C4orf50: variants seen among roughly 807,000 people sequenced by gnomAD.
C4orf50 encodes the protein uncharacterized protein C4orf50.
Under a neutral mutation model 77.2 loss-of-function variants are expected in C4orf50, and 80 were observed. The ratio of observed to expected loss-of-function variants is 1.04; its 90% CI spans 0.87 to 1.25. C4orf50 has a LOEUF of 1.25. C4orf50 is among the 50% of genes most tolerant of loss of function. The pLI is 0.00. For missense variants in C4orf50, 1,257 were observed against 1,152.9 expected, an observed-to-expected ratio of 1.09 and a Z score of -1.31; for synonymous variants, 532 against 465.3, an observed-to-expected ratio of 1.14 and a Z score of -1.84.
chr4:5,994,786 A>G (rs1325464126), intron 25 of C4orf50, among the ~76,000 whole-genome samples: 1 of 120,420 alleles, frequency 8.3e-6, no homozygotes, highest in Non-Finnish European at 1.7e-5. Flanking sequence ...AAGCAGGGTC[A>G]TGGACCAGAC....
chr4:5,952,825 A>G (rs1718787517), downstream of C4orf50, among the ~76,000 whole-genome samples: 2 of 152,010 alleles, frequency 1.3e-5, no homozygotes. The surrounding 1 kb of genome is among the most constrained non-coding windows in gnomAD (Gnocchi z 4.4). Context: ...CCCGACACCG[A>G]CACTCCCGCC....
intron 29 of C4orf50, 109 bp downstream of exon 7, chr4:5,980,065 C>T (rs1720489766): frequency 1.2e-6 from 1 of 839,184 alleles, no homozygotes; most frequent in Non-Finnish European, 1.8e-6. Context: ...AGTACCTGCT[C>T]CCAACTGGCT....
chr4:5,978,387 G>A (rs1229171644), intron 29 of C4orf50, among the ~76,000 whole-genome samples: 3 of 152,218 alleles, frequency 2.0e-5, no homozygotes, highest in Admixed American at 6.5e-5. Context: ...AAGAACTAAA[G>A]TGAGTTTAGG....
At chr4:6,013,346 G>A (rs1722557916) in intron 23 of C4orf50, among the ~76,000 whole-genome samples, 1 of 152,116 alleles carries the variant, frequency 6.6e-6, no homozygotes, top group Non-Finnish European at 1.5e-5. Context: ...TATACAATAT[G>A]GGGAGATTTG....
intron 7 of C4orf50, among the ~76,000 whole-genome samples, chr4:5,917,402 A>C (rs1385346298): frequency 8.9e-6 from 1 of 111,774 alleles, no homozygotes; most frequent in African/African-American, 3.2e-5. Flanking sequence ...CAATTCCTGT[A>C]TTTCTTTTTT....
rs1176779407 is a variant in C4orf50 at position 5,958,470 on chromosome 4, A to G, written c.*905T>C. The G allele has an allele frequency of 6.6e-6, 1 of 152,176 alleles. No individual in the cohort carries two copies. The highest frequency in any genetic ancestry group is 2.4e-5 in the African/African-American group (1 of 41,366). 9.4% of individuals were successfully genotyped at this position (152,176 alleles called of 1,614,324 possible). On this transcript the variant is annotated 3_prime_UTR_variant, in exon 34 of 34. Transcript: ENST00000531445. The surrounding 1 kb of genome is among the most constrained non-coding windows in gnomAD (Gnocchi z 5.4). ...ACCCTTCCCACCTCACCCACCGGAC[A>G]CTGCCCAGCCATTCCTTTGTGGCTG...
rs1323812810 is a variant in C4orf50 at position 6,015,065 on chromosome 4, A to G, written c.287+3080T>C. 6.6e-6 allele frequency among the ~76,000 whole-genome samples: 1 copy of G among 151,996 alleles called. No homozygotes were observed. Among genetic ancestry groups the G allele is most frequent in the Non-Finnish European group, 1.5e-5 (1 of 68,010 alleles). ...CCTTTCTAGAAGATTTGAATGTACA[A>G]CCCTGTATGGGCCTACGCTGCTAGT... On this transcript the variant is annotated intron_variant, in intron 23 of 33. Coordinates refer to ENST00000531445, the Ensembl canonical transcript of C4orf50. This position sits in a 1 kb window ranked among gnomAD's most constrained non-coding sequence, Gnocchi z 4.4.
At chr4:5,984,620 A>G (rs183739695) in intron 28 of C4orf50, among the ~76,000 whole-genome samples, 1 of 152,350 alleles carries the variant, frequency 6.6e-6, no homozygotes, top group East Asian at 1.9e-4. Flanking sequence ...GGGACATGGT[A>G]GAATACAGGA....
intron 28 of C4orf50, among the ~76,000 whole-genome samples, chr4:5,981,054 CTTAT>C (rs1720556430): frequency 6.6e-6 from 1 of 152,100 alleles, no homozygotes; most frequent in Admixed American, 6.5e-5. Flanking sequence ...AGTCTAAATT[CTTAT>C]TTTTTTAAAT....
chr4:5,959,678 G>C lies in C4orf50; in HGVS notation c.4276-52C>G, dbSNP rs755192213. 5.1e-6 allele frequency: 8 copies of C among 1,560,164 alleles called. No homozygotes were observed. In the Admixed American group the frequency reaches 1.3e-4, roughly 26 times the overall value. ...TCTCTGCGTCCACATGTTTGTAAAA[G>C]CCCCTCCATTCACACATTTAATCAA... On this transcript the variant is annotated intron_variant, in intron 33 of 33. Coordinates refer to ENST00000531445, the Ensembl canonical transcript of C4orf50.
intron 7 of C4orf50, among the ~76,000 whole-genome samples, chr4:5,942,460 A>G (rs930148966): frequency 2.0e-5 from 3 of 152,240 alleles, no homozygotes; most frequent in Non-Finnish European, 4.4e-5. Context: ...TAGAAATTCA[A>G]TGTGACAGCA....
At chr4:5,939,113 C>T (rs1718158115) in intron 7 of C4orf50, among the ~76,000 whole-genome samples, 1 of 152,060 alleles carries the variant, frequency 6.6e-6, no homozygotes, top group Non-Finnish European at 1.5e-5. Context: ...TGTTGGCGGG[C>T]ACCTATGTAA....
At chr4:5,937,062 G>A (rs1004433542) in intron 7 of C4orf50, among the ~76,000 whole-genome samples, 13 of 152,042 alleles carry the variant, frequency 8.6e-5, no homozygotes, top group African/African-American at 3.1e-4. Context: ...GGCAAAGACT[G>A]AGAGGTTTTT....
At position 5,990,505 on chromosome 4, in the gene C4orf50, CAA is replaced by C; in HGVS notation, c.1539_1540del (p.Asp513GlufsTer47). The C allele has an allele frequency of 7.5e-6, 3 of 399,244 alleles. No individual in the cohort carries two copies. The highest frequency in any genetic ancestry group is 1.3e-5 in the Non-Finnish European group (3 of 226,226). The allele number at this position is 399,244 out of a possible 1,614,324, so 24.7% of individuals were successfully genotyped here. A position where few individuals can be genotyped will look rare whatever the true frequency, so the allele number is the denominator to read the frequency against. On this transcript the variant is annotated frameshift_variant, in exon 28 of 34. Transcript: ENST00000531445. LOFTEE classifies it high-confidence loss of function. Reference sequence around the variant, plus strand: ...GGCACCGCGGCCTCTTGTCTGGTGACAATCCCAGCCTGGGTGTCCTGTGGCTT... The same window carrying C: ...GGCACCGCGGCCTCTTGTCTGGTGACTCCCAGCCTGGGTGTCCTGTGGCTT...
intron 33 of C4orf50, among the ~76,000 whole-genome samples, chr4:5,961,044 G>A (rs996017002): frequency 3.3e-5 from 5 of 152,052 alleles, no homozygotes; most frequent in Admixed American, 2.6e-4. Context: ...TTCATGGAAG[G>A]ACAAACAAGG....
intron 7 of C4orf50, among the ~76,000 whole-genome samples, chr4:5,919,000 C>A (rs1717152038): frequency 6.6e-6 from 1 of 152,150 alleles, no homozygotes; most frequent in African/African-American, 2.4e-5. Context: ...GATGGGGAAA[C>A]TGAGACCCGG....
intron 28 of C4orf50, 43 bp downstream of exon 6, chr4:5,988,304 G>C (rs750172346): frequency 6.3e-7 from 1 of 1,592,196 alleles, no homozygotes; most frequent in Non-Finnish European, 8.6e-7. Flanking sequence ...CCCCGGAACA[G>C]AGTCATGCGT....
At chr4:5,978,560 C>T (rs1392154931) in intron 29 of C4orf50, among the ~76,000 whole-genome samples, 1 of 152,166 alleles carries the variant, frequency 6.6e-6, no homozygotes, top group Non-Finnish European at 1.5e-5. Context: ...TCCCCACAGG[C>T]CAGTGACAGA....
intron 7 of C4orf50, among the ~76,000 whole-genome samples, chr4:5,928,244 A>G (rs553118079): frequency 1.4e-4 from 22 of 152,262 alleles, no homozygotes; most frequent in African/African-American, 3.6e-4. Flanking sequence ...TGTCTGCCAT[A>G]CTCAGGATCC....
Sources: gnomAD v4.1 joint callset for allele counts (sites outside exome capture counted in the v4.1 genomes callset) on GRCh38, gnomAD v4.1.1 for gene constraint, Gnocchi (gnomAD v3.1) non-coding constraint, MANE v1.5 for transcripts, NCBI Gene and HGNC (gene_info 2026-07-23, HGNC 2026-07-21) for gene names.